Variants in RASGRP3 observed in about 807,000 individuals in gnomAD.
RASGRP3 encodes the protein RAS guanyl releasing protein 3.
Under a neutral mutation model 82.7 loss-of-function variants are expected in RASGRP3, and 54 were observed. That is an observed-to-expected ratio of 0.65 (90% CI 0.52 to 0.82). The LOEUF (loss-of-function observed/expected upper bound fraction) is 0.82. Among genes scored for constraint, RASGRP3 ranks in the 40% least tolerant of loss-of-function variants. RASGRP3 has a pLI of 0.00. For synonymous variants in RASGRP3, 309 were observed against 300.5 expected (o/e 1.03, Z -0.29); for missense variants, 861 against 828.9 (o/e 1.04, Z -0.48).
At chr2:33,477,459 T>C (rs1032391774) in intron 1 of RASGRP3, among the ~76,000 whole-genome samples, 1 of 152,216 alleles carries the variant, frequency 6.6e-6, no homozygotes, top group Non-Finnish European at 1.5e-5. Context: ...CTTATTTTAG[T>C]GTTTTCGTGA....
intron 1 of RASGRP3, among the ~76,000 whole-genome samples, chr2:33,441,235 C>A (rs1201578485): frequency 6.6e-6 from 1 of 152,138 alleles, no homozygotes; most frequent in African/African-American, 2.4e-5. Context: ...ATCCTTTGAC[C>A]TATATGTCCC....
At chr2:33,507,037 A>G (rs1427724674) in intron 1 of RASGRP3, among the ~76,000 whole-genome samples, 2 of 152,246 alleles carry the variant, frequency 1.3e-5, no homozygotes, top group Non-Finnish European at 2.9e-5. Context: ...TGAACTTAAA[A>G]GGAATGAGAA....
intron 1 of RASGRP3, among the ~76,000 whole-genome samples, chr2:33,446,790 G>A (rs1337211956): frequency 2.0e-5 from 3 of 151,926 alleles, no homozygotes; most frequent in Non-Finnish European, 1.5e-5. Context: ...CTCTTGGTGA[G>A]TGCCATTAAC....
chr2:33,438,028 T>C (rs550913538), intron 1 of RASGRP3, among the ~76,000 whole-genome samples: 49 of 152,326 alleles, frequency 3.2e-4, no homozygotes, highest in Middle Eastern at 3.4e-3. Flanking sequence ...ATTACAGCAA[T>C]GTTGCTTACA....
At chr2:33,476,141 C>T (rs896744973), upstream of RASGRP3, 4 of 152,314 alleles carry the variant, frequency 2.6e-5, no homozygotes, top group Non-Finnish European at 4.4e-5. Flanking sequence ...CAGCACCAGC[C>T]ACCTAGTCAG....
At chr2:33,475,158 T>G (rs1314137081), upstream of RASGRP3, among the ~76,000 whole-genome samples, 2 of 152,292 alleles carry the variant, frequency 1.3e-5, no homozygotes, top group Non-Finnish European at 2.9e-5. Flanking sequence ...TTTTATGCAT[T>G]GCATTTTTAT....
chr2:33,455,791 A>C (rs1398674803), intron 2 of RASGRP3, among the ~76,000 whole-genome samples: 5 of 152,206 alleles, frequency 3.3e-5, no homozygotes, highest in African/African-American at 9.6e-5. Context: ...AAATTCCTTA[A>C]AGGAGTTCTA....
At chr2:33,519,592 G>A (rs896342479) in intron 4 of RASGRP3, among the ~76,000 whole-genome samples, 14 of 152,206 alleles carry the variant, frequency 9.2e-5, no homozygotes, top group Non-Finnish European at 1.9e-4. Context: ...GGGCAACAGA[G>A]CGAGACTCCA....
upstream of RASGRP3, among the ~76,000 whole-genome samples, chr2:33,472,195 A>C (rs545312694): frequency 2.0e-5 from 3 of 152,318 alleles, no homozygotes; most frequent in Non-Finnish European, 4.4e-5. Context: ...TGTATTAGGC[A>C]TTGCAGGATA....
intron 11 of RASGRP3, among the ~76,000 whole-genome samples, chr2:33,538,492 G>T (rs1673886091): frequency 6.7e-6 from 1 of 150,290 alleles, no homozygotes; most frequent in East Asian, 1.9e-4. Flanking sequence ...GACAGAGAGA[G>T]ACTCTGTCTC....
At chr2:33,528,410 G>T (rs1471213314) in intron 10 of RASGRP3, among the ~76,000 whole-genome samples, 1 of 152,324 alleles carries the variant, frequency 6.6e-6, no homozygotes, top group Admixed American at 6.5e-5. Context: ...GTATAGAAGA[G>T]AACATTTCCC....
chr2:33,476,779 G>A (rs1327949019), intron 1 of RASGRP3, 72 bp downstream of exon 1: 1 of 152,436 alleles, frequency 6.6e-6, no homozygotes, highest in African/African-American at 2.4e-5. Flanking sequence ...GTGTGTGTGT[G>A]TGTGTGTGTG....
intron 2 of RASGRP3, among the ~76,000 whole-genome samples, chr2:33,451,130 C>A (rs1665778381): frequency 6.6e-6 from 1 of 152,024 alleles, no homozygotes. Flanking sequence ...TCCCAAAGTG[C>A]TGGGATTACA....
rs571940389 is a variant in RASGRP3, at chr2:33,532,349, G to A, written c.1084-1974G>A. ...TGAGCAGTGATGTTCATCACAAACC[G>A]CACCTCTCCCTGTGACTTCCCTAAC... On this transcript the variant is annotated intron_variant, in intron 10 of 17. Coordinates refer to ENST00000403687, the MANE Select transcript of RASGRP3 (RefSeq NM_001139488.2). 6.6e-5 allele frequency: 10 copies of A among 152,232 alleles called. No homozygotes were observed. The East Asian group carries it at 7.7e-4, about 12-fold the overall frequency. 9.4% of individuals were successfully genotyped at this position (152,232 alleles called of 1,614,324 possible). A position where few individuals can be genotyped will look rare whatever the true frequency, so the allele number is the denominator to read the frequency against.
At chr2:33,450,659 A>G (rs913686623) in intron 2 of RASGRP3, among the ~76,000 whole-genome samples, 1 of 152,014 alleles carries the variant, frequency 6.6e-6, no homozygotes, top group African/African-American at 2.4e-5. Flanking sequence ...CTTGGCTATT[A>G]TAAATAATGC....
intron 1 of RASGRP3, among the ~76,000 whole-genome samples, chr2:33,503,155 A>G (rs908585144): frequency 2.6e-5 from 4 of 152,328 alleles, no homozygotes; most frequent in East Asian, 1.9e-4. Flanking sequence ...ACATTTCACA[A>G]TTTTAGGACT....
chr2:33,539,496 A>C, intron 12 of RASGRP3: 1 of 264,672 alleles, frequency 3.8e-6, no homozygotes, highest in Non-Finnish European at 7.2e-6. Context: ...AGCTCAAGGG[A>C]TTGGGGATTA....
At chr2:33,446,275 A>G (rs984960289) in intron 1 of RASGRP3, among the ~76,000 whole-genome samples, 9 of 152,004 alleles carry the variant, frequency 5.9e-5, no homozygotes, top group Middle Eastern at 3.4e-3. Context: ...TCCTGCCTCA[A>G]CCTCCCTAGT....
At chr2:33,520,859 C>T (rs1671964372) in intron 6 of RASGRP3, among the ~76,000 whole-genome samples, 175 bp downstream of exon 6, 1 of 152,176 alleles carries the variant, frequency 6.6e-6, no homozygotes, top group South Asian at 2.1e-4. Flanking sequence ...TCTCTCCAAG[C>T]TTCAGTTTTT....
Sources: gnomAD v4.1 joint callset for allele counts (sites outside exome capture counted in the v4.1 genomes callset) on GRCh38, gnomAD v4.1.1 for gene constraint, MANE v1.5 for transcripts, NCBI Gene and HGNC (gene_info 2026-07-23, HGNC 2026-07-21) for gene names.